CEP89: variants seen among roughly 807,000 people sequenced by gnomAD.
CEP89 encodes centrosomal protein of 89 kDa.
A neutral mutation model predicts 97.6 loss-of-function variants in CEP89; 95 were observed. The observed-to-expected ratio is 0.97, with a 90% CI of 0.82 to 1.15. The LOEUF is 1.15. CEP89 is among the 50% of genes most tolerant of loss of function. CEP89 has a pLI of 0.00. For missense variants in CEP89, 869 were observed against 947.7 expected (o/e 0.92, Z 1.09); for synonymous variants, 354 against 349.1 (o/e 1.01, Z -0.16).
chr19:32,964,904 T>A (rs1048235485), intron 2 of CEP89, among the ~76,000 whole-genome samples: 2 of 152,150 alleles, frequency 1.3e-5, no homozygotes, highest in Non-Finnish European at 2.9e-5. Context: ...TAAAATAAAC[T>A]TTTTTAGAGG....
intron 16 of CEP89, among the ~76,000 whole-genome samples, chr19:32,889,972 G>C (rs1969479284): frequency 6.6e-6 from 1 of 152,124 alleles, no homozygotes; most frequent in South Asian, 2.1e-4. Flanking sequence ...CGCTGGGCCA[G>C]ACACTTGAGT....
At position 32,887,778 on chromosome 19, in the gene CEP89, G is replaced by C; in HGVS notation, c.1939C>G (p.Leu647Val). 6.2e-7 allele frequency: 1 copy of C among 1,612,852 alleles called. No individual in the cohort carries two copies. ...LNKVIKSNIRLGKLEEKVKGY... is the reference protein window; with the variant it reads ...LNKVIKSNIRVGKLEEKVKGY... ...TTGACTTTTTCCTCTAACTTTCCCAGGCGAATGTTGCTTTTTATGACTTTA... is the reference window on the plus strand; with the variant it reads ...TTGACTTTTTCCTCTAACTTTCCCACGCGAATGTTGCTTTTTATGACTTTA... Residue 647 changes from leucine (L) to valine (V), a missense_variant, in exon 17 of 19, where the codon CTG becomes GTG. Coordinates refer to ENST00000305768, the MANE Select transcript of CEP89 (RefSeq NM_032816.5).
At chr19:32,896,450 T>A (rs1164803392) in intron 16 of CEP89, among the ~76,000 whole-genome samples, 2 of 152,066 alleles carry the variant, frequency 1.3e-5, no homozygotes, top group South Asian at 4.1e-4. Context: ...CTATTTCTCA[T>A]CATATGCAAA....
chr19:32,905,646 A>G (rs115995193), intron 14 of CEP89, among the ~76,000 whole-genome samples: 1,778 of 152,282 alleles, frequency 0.012, 43 homozygotes, highest in African/African-American at 0.042. Context: ...GGTGCACACA[A>G]ATTTAAATTT....
intron 4 of CEP89, among the ~76,000 whole-genome samples, chr19:32,952,775 G>A (rs1970949560): frequency 6.6e-6 from 1 of 151,048 alleles, no homozygotes; most frequent in Non-Finnish European, 1.5e-5. Flanking sequence ...ATGGTGGTGT[G>A]TGTCTGTAGT....
intron 7 of CEP89, 41 bp from the exon 8 acceptor site, chr19:32,933,710 G>A: frequency 8.1e-7 from 1 of 1,236,462 alleles, no homozygotes; most frequent in East Asian, 2.3e-5. Context: ...GTTAATTGAT[G>A]TTGACAATGT....
At position 32,931,421 on chromosome 19, in the gene CEP89, A is replaced by C. The variant is rs1239544113; in HGVS notation, c.1029+8T>G. The C allele has an allele frequency of 6.4e-7, 1 of 1,558,932 alleles. No homozygotes were observed. Reference sequence around the variant, plus strand: ...TGAAAAGCTGATTTTCACAATCGGAAACGTTACCTCTTCCTTGGACAAATG... The same window carrying C: ...TGAAAAGCTGATTTTCACAATCGGACACGTTACCTCTTCCTTGGACAAATG... On this transcript the variant is annotated splice_region_variant and intron_variant, in intron 9 of 18. Transcript: ENST00000305768.
chr19:32,943,785 C>T (rs1295419487), intron 5 of CEP89, among the ~76,000 whole-genome samples: 1 of 152,046 alleles, frequency 6.6e-6, no homozygotes, highest in Non-Finnish European at 1.5e-5. Flanking sequence ...AGCTGGAAAG[C>T]AGTCAGCAGG....
intron 8 of CEP89, 74 bp from the exon 9 acceptor site, chr19:32,931,645 C>T (rs1029729736): frequency 8.5e-6 from 11 of 1,299,446 alleles, no homozygotes; most frequent in Admixed American, 2.8e-5. Context: ...AATTGCAAAT[C>T]GTTTGCTTTT....
intron 13 of CEP89, 76 bp from the exon 14 acceptor site, chr19:32,915,593 A>C: frequency 7.9e-7 from 1 of 1,263,446 alleles, no homozygotes; most frequent in Non-Finnish European, 1.1e-6. Context: ...ATTAGGAAAT[A>C]CTAATGAGAG....
chr19:32,958,917 T>C (rs939395791), intron 3 of CEP89, among the ~76,000 whole-genome samples: 10 of 152,070 alleles, frequency 6.6e-5, no homozygotes, highest in African/African-American at 2.4e-4. Flanking sequence ...CTCAGGAGGC[T>C]GAGGCAGGAG....
At chr19:32,939,090 A>G (rs1401520494) in intron 6 of CEP89, among the ~76,000 whole-genome samples, 5 of 151,260 alleles carry the variant, frequency 3.3e-5, no homozygotes, top group African/African-American at 1.2e-4. Flanking sequence ...CTAAAAAAAA[A>G]TTTTTTTTTA....
chr19:32,910,304 AGGG>A, intron 14 of CEP89, among the ~76,000 whole-genome samples: 1 of 141,314 alleles, frequency 7.1e-6, no homozygotes, highest in Non-Finnish European at 1.6e-5. Flanking sequence ...AGAGAGAGGG[AGGG>A]AGGGAGGGAG....
At chr19:32,922,684 C>G (rs1970274335) in intron 12 of CEP89, among the ~76,000 whole-genome samples, 2 of 151,858 alleles carry the variant, frequency 1.3e-5, no homozygotes, top group African/African-American at 4.8e-5. Context: ...CCCATCTCTA[C>G]TAAAAATACA....
chr19:32,942,642 T>C (rs746593132), intron 5 of CEP89, among the ~76,000 whole-genome samples: 1 of 152,220 alleles, frequency 6.6e-6, no homozygotes, highest in Non-Finnish European at 1.5e-5. Context: ...GTACATTTAA[T>C]GTACACGCAG....
intron 14 of CEP89, among the ~76,000 whole-genome samples, chr19:32,901,625 A>C (rs1292443677): frequency 6.6e-6 from 1 of 151,666 alleles, no homozygotes; most frequent in East Asian, 2.0e-4. Context: ...GGCTGGGCAC[A>C]CACTACGTGT....
intron 4 of CEP89, 98 bp from the exon 5 acceptor site, chr19:32,948,466 C>T: frequency 1.5e-6 from 1 of 664,248 alleles, no homozygotes; most frequent in Non-Finnish European, 2.5e-6. Context: ...TCAAACCTTC[C>T]CCACTGGGAG....
Position 32,925,356 on chromosome 19 carries a change from C to T in CEP89, c.1164+834G>A, listed in dbSNP as rs541967995. Reference sequence around the variant, plus strand: ...TGGACAAGGCAGAAATGGATAAAAACCTCACTTCTCCATTTCCAACAGCTC... The same window carrying T: ...TGGACAAGGCAGAAATGGATAAAAATCTCACTTCTCCATTTCCAACAGCTC... On this transcript the variant is annotated intron_variant, in intron 11 of 18. Coordinates refer to ENST00000305768, the MANE Select transcript of CEP89 (RefSeq NM_032816.5). 7.9e-5 allele frequency among the ~76,000 whole-genome samples: 12 copies of T among 152,274 alleles called. 1 individual carries two copies. The East Asian group carries it at 1.9e-3, about 24-fold the overall frequency.
intron 14 of CEP89, among the ~76,000 whole-genome samples, chr19:32,910,667 T>C (rs1007067344): frequency 1.5e-4 from 22 of 145,120 alleles, no homozygotes; most frequent in Non-Finnish European, 2.8e-4. Context: ...TTTTTTCTAT[T>C]AAATTTTTTT....
Sources: allele counts gnomAD v4.1 joint callset (sites outside exome capture counted in the v4.1 genomes callset), GRCh38; gene constraint gnomAD v4.1.1; transcripts MANE v1.5; gene names NCBI Gene and HGNC (gene_info 2026-07-23, HGNC 2026-07-21).